Variants in CTNNA2 observed in about 807,000 individuals in gnomAD.
CTNNA2 encodes catenin alpha 2, also known as catenin alpha-2.
In CTNNA2, 42 loss-of-function variants were observed where a neutral mutation model predicts 101.0. The observed-to-expected ratio is 0.42, with a 90% confidence interval of 0.32 to 0.54. The LOEUF (loss-of-function observed/expected upper bound fraction) is 0.54, where lower values mean the gene tolerates loss of function less well. Ranked by LOEUF, CTNNA2 falls within the 20% of genes least tolerant of loss-of-function variation. CTNNA2 has a pLI of 0.14. For missense variants in CTNNA2, 871 were observed against 1,223.1 expected (o/e 0.71, Z 4.29); for synonymous variants, 450 against 456.4 (o/e 0.99, Z 0.18).
chr2:79,553,928 C>T (rs761073191), intron 1 of CTNNA2, among the ~76,000 whole-genome samples: 21 of 152,180 alleles, frequency 1.4e-4, no homozygotes, highest in Non-Finnish European at 2.9e-4. Flanking sequence ...CAGCTATCTA[C>T]TTAGGAACAA....
rs150196544 is a variant in CTNNA2 at position 79,315,429 on chromosome 2, C to T, written c.-318+2633C>T. Among the ~76,000 whole-genome samples the T allele has an allele frequency of 1.3e-3, 197 of 152,228 alleles. 1 individual carries two copies. The highest frequency in any genetic ancestry group is 4.2e-3 in the African/African-American group (176 of 41,554). ...CTCCTCATCTTTATCCAGCCATAAG[C>T]AATCACTAAGCTACTTGTCTGTTCC... On this transcript the variant is annotated intron_variant, in intron 3 of 21. Coordinates refer to the CTNNA2 transcript ENST00000466387.
At chr2:79,712,518 C>T (rs80306712) in intron 2 of CTNNA2, among the ~76,000 whole-genome samples, 50 of 152,024 alleles carry the variant, frequency 3.3e-4, no homozygotes, top group Non-Finnish European at 6.0e-4. Context: ...TATCTAATTG[C>T]GAAGGAAAAA....
Position 79,550,009 on chromosome 2 carries a change from C to G in CTNNA2, c.-6+36802C>G, listed in dbSNP as rs868340119. Among the ~76,000 whole-genome samples, 7 of 152,262 alleles carry G rather than the reference C, an allele frequency of 4.6e-5. No individual in the cohort carries two copies. The South Asian group carries it at 8.3e-4, about 18-fold the overall frequency. ...TAGATCCGTGGACCTAGTGGACCCACTATGAGCCAGAACTGGGCTGGAACT... is the reference window on the plus strand; with the variant it reads ...TAGATCCGTGGACCTAGTGGACCCAGTATGAGCCAGAACTGGGCTGGAACT... On this transcript the variant is annotated intron_variant, in intron 1 of 18. Coordinates refer to ENST00000402739, the MANE Select transcript of CTNNA2 (RefSeq NM_001282597.3).
chr2:80,073,667 C>T (rs999538715), intron 7 of CTNNA2, among the ~76,000 whole-genome samples: 1 of 151,328 alleles, frequency 6.6e-6, no homozygotes, highest in Non-Finnish European at 1.5e-5. Flanking sequence ...AAACACAGAA[C>T]CCAAGTGCCA....
intron 7 of CTNNA2, among the ~76,000 whole-genome samples, chr2:79,971,998 G>A (rs574578297): frequency 6.6e-6 from 1 of 152,306 alleles, no homozygotes; most frequent in South Asian, 2.1e-4. Context: ...CACAAAGGCA[G>A]GAAATGCCAA....
chr2:79,531,141 T>G (rs560099532), intron 1 of CTNNA2, among the ~76,000 whole-genome samples: 32 of 148,348 alleles, frequency 2.2e-4, no homozygotes, highest in African/African-American at 7.9e-4. Context: ...AAAGAAGTTC[T>G]TTTGTAAGGG....
At chr2:80,031,515 A>G (rs577278004) in intron 7 of CTNNA2, among the ~76,000 whole-genome samples, 31 of 152,340 alleles carry the variant, frequency 2.0e-4, no homozygotes, top group African/African-American at 7.5e-4. Context: ...AGACTTATTT[A>G]CTATCGTGAG....
intron 2 of CTNNA2, among the ~76,000 whole-genome samples, chr2:79,700,466 T>C (rs1684929320): frequency 6.6e-6 from 1 of 151,978 alleles, no homozygotes; most frequent in Non-Finnish European, 1.5e-5. Flanking sequence ...GAAATGGCCA[T>C]CTCCAGTCCC....
chr2:80,617,453 TAAA>T (rs1698945204), intron 17 of CTNNA2, among the ~76,000 whole-genome samples: 1 of 151,678 alleles, frequency 6.6e-6, no homozygotes, highest in South Asian at 2.1e-4. Flanking sequence ...TTGTTGAAAA[TAAA>T]AATAATAAAT....
At chr2:79,215,205 T>A (rs1344717993) in intron 2 of CTNNA2, among the ~76,000 whole-genome samples, 1 of 152,124 alleles carries the variant, frequency 6.6e-6, no homozygotes, top group South Asian at 2.1e-4. Flanking sequence ...CCTGCACAGA[T>A]GGGACGTGGC....
chr2:80,054,642 T>G (rs1697101645), intron 7 of CTNNA2, among the ~76,000 whole-genome samples: 2 of 152,186 alleles, frequency 1.3e-5, no homozygotes, highest in South Asian at 4.1e-4. Flanking sequence ...CAGGTTTAAT[T>G]AATATCGCAA....
At chr2:80,400,565 T>C (rs1001039837) in intron 8 of CTNNA2, among the ~76,000 whole-genome samples, 2 of 152,188 alleles carry the variant, frequency 1.3e-5, no homozygotes, top group Non-Finnish European at 2.9e-5. Context: ...CTTTGTCCTC[T>C]TTTTGAGCTG....
At chr2:79,740,384 A>G (rs1327654175) in intron 2 of CTNNA2, among the ~76,000 whole-genome samples, 4 of 152,176 alleles carry the variant, frequency 2.6e-5, no homozygotes, top group Middle Eastern at 3.2e-3. Flanking sequence ...ATAGAAGAGC[A>G]TTGTTACATA....
At chr2:80,408,206 G>T (rs1306705428) in intron 8 of CTNNA2, among the ~76,000 whole-genome samples, 1 of 152,090 alleles carries the variant, frequency 6.6e-6, no homozygotes, top group Non-Finnish European at 1.5e-5. Flanking sequence ...TATAATAGAC[G>T]TTCTTCTAAG....
intron 7 of CTNNA2, among the ~76,000 whole-genome samples, chr2:80,177,480 G>A (rs1445814548): frequency 6.6e-6 from 1 of 152,162 alleles, no homozygotes; most frequent in Non-Finnish European, 1.5e-5. Flanking sequence ...GGCACTCAGT[G>A]GTGGTCATAG....
At chr2:80,183,227 G>A (rs954598599) in intron 7 of CTNNA2, among the ~76,000 whole-genome samples, 3 of 152,104 alleles carry the variant, frequency 2.0e-5, no homozygotes, top group African/African-American at 4.8e-5. Context: ...TCAATCAGGG[G>A]TGGTAGTGAT....
rs371544995 is a variant in CTNNA2 at position 80,574,218 on chromosome 2, C to T, written c.1797C>T (p.Asn599=). 9.3e-6 allele frequency: 15 copies of T among 1,613,718 alleles called. No individual in the cohort carries two copies. Among genetic ancestry groups the T allele is most frequent in the South Asian group, 6.6e-5 (6 of 91,064 alleles). ...VEVAIEALSA[N]VPQPFEENEF... is the part of the protein sequence containing the mutation. ...TTGCCATTGAAGCCCTGAGTGCCAA[C>T]GTTCCTCAACCGTTTGAGGAGAATG... The change falls in exon 13 of 19, where the codon AAC becomes AAT. Residue 599 remains asparagine (N), a synonymous_variant. Coordinates refer to ENST00000402739, the MANE Select transcript of CTNNA2 (RefSeq NM_001282597.3).
At chr2:79,466,688 G>A (rs1375073737) in intron 4 of CTNNA2, among the ~76,000 whole-genome samples, 5 of 152,192 alleles carry the variant, frequency 3.3e-5, no homozygotes, top group African/African-American at 1.2e-4. Context: ...GCTTCCAGAG[G>A]AAAAATCAGG....
intron 7 of CTNNA2, among the ~76,000 whole-genome samples, chr2:80,080,140 G>A (rs912389449): frequency 4.6e-5 from 7 of 152,134 alleles, no homozygotes; most frequent in African/African-American, 1.7e-4. Context: ...TGGGGGCATG[G>A]CAGCATTGTA....
Sources: allele counts gnomAD v4.1 joint callset (sites outside exome capture counted in the v4.1 genomes callset), GRCh38; gene constraint gnomAD v4.1.1; transcripts MANE v1.5; gene names NCBI Gene and HGNC (gene_info 2026-07-23, HGNC 2026-07-21).